Variants in NME8 observed in about 807,000 individuals in gnomAD.
NME8 encodes NME/NM23 family member 8.
A neutral mutation model predicts 82.3 loss-of-function variants in NME8; 72 were observed. The observed-to-expected ratio is 0.87, with a 90% confidence interval of 0.72 to 1.06. NME8 has a LOEUF of 1.06. Among genes scored for constraint, NME8 ranks in the 50% least tolerant of loss-of-function variants. NME8 has a pLI of 0.00. For synonymous variants in NME8, 267 were observed against 228.5 expected (o/e 1.17, Z -1.52); for missense variants, 712 against 685.4 (o/e 1.04, Z -0.43).
chr7:37,872,189 T>C (rs1433097237), intron 11 of NME8, among the ~76,000 whole-genome samples: 1 of 152,122 alleles, frequency 6.6e-6, no homozygotes, highest in Non-Finnish European at 1.5e-5. Context: ...TAGAACTGAG[T>C]AGAATTATTG....
chr7:37,882,724 G>T lies in NME8; in HGVS notation c.995-1579G>T, dbSNP rs78865034. 1.1e-4 allele frequency among the ~76,000 whole-genome samples: 17 copies of T among 152,200 alleles called. No individual in the cohort carries two copies. The East Asian group carries it at 3.1e-3, about 28-fold the overall frequency. ...GAAGTATGATTTTTTTATGCATCAG[G>T]TTATTCCATGAAACTTCTATGCAAT... On this transcript the variant is annotated intron_variant, in intron 12 of 17. Transcript: ENST00000199447.
chr7:37,868,054 G>A (rs1784716412), intron 11 of NME8, among the ~76,000 whole-genome samples, 156 bp downstream of exon 11: 2 of 152,246 alleles, frequency 1.3e-5, no homozygotes, highest in South Asian at 2.1e-4. Flanking sequence ...CAGAAGAGCT[G>A]TGTGCCAGGT....
At chr7:37,872,969 A>G (rs1583635040) in intron 11 of NME8, among the ~76,000 whole-genome samples, 1 of 152,330 alleles carries the variant, frequency 6.6e-6, no homozygotes. Flanking sequence ...TATACTTCAT[A>G]TGTTTGAAAC....
chr7:37,880,323 T>C (rs552657548), intron 12 of NME8, among the ~76,000 whole-genome samples: 18 of 152,344 alleles, frequency 1.2e-4, no homozygotes, highest in African/African-American at 4.3e-4. Context: ...AGAAAGTTTA[T>C]AGTTTTGTGT....
At chr7:37,887,466 A>T (rs1436358770) in intron 14 of NME8, among the ~76,000 whole-genome samples, 1 of 152,202 alleles carries the variant, frequency 6.6e-6, no homozygotes. Context: ...TACACACACC[A>T]TATATTTCAA....
At chr7:37,888,156 C>G (rs1392082558) in intron 14 of NME8, 121 bp from the exon 15 acceptor site, 9 of 982,678 alleles carry the variant, frequency 9.2e-6, no homozygotes, top group Non-Finnish European at 1.3e-5. Flanking sequence ...CTTCCTTTTG[C>G]ACAGTGTCAA....
chr7:37,876,241 G>T (rs919335925), intron 11 of NME8, among the ~76,000 whole-genome samples: 43 of 97,008 alleles, frequency 4.4e-4, no homozygotes, highest in East Asian at 1.5e-3. Context: ...TAGATAGATA[G>T]ATAGATAGAT....
intron 11 of NME8, among the ~76,000 whole-genome samples, chr7:37,872,249 C>A (rs1001143334): frequency 6.6e-6 from 1 of 152,162 alleles, no homozygotes; most frequent in Non-Finnish European, 1.5e-5. Context: ...ATTGCCCCTG[C>A]AGAAGAATAA....
intron 9 of NME8, 128 bp downstream of exon 9, chr7:37,864,549 T>G: frequency 3.1e-6 from 3 of 967,904 alleles, no homozygotes; most frequent in Non-Finnish European, 4.6e-6. Context: ...TAGGTACCTC[T>G]AGAGGCTTTG....
intron 14 of NME8, among the ~76,000 whole-genome samples, chr7:37,886,869 A>C (rs1785048751): frequency 6.6e-6 from 1 of 151,856 alleles, no homozygotes; most frequent in African/African-American, 2.4e-5. Flanking sequence ...AGGCAAAAAA[A>C]AAACAAAAAC....
chr7:37,861,189 T>C (rs1431457812), intron 6 of NME8, among the ~76,000 whole-genome samples: 2 of 152,364 alleles, frequency 1.3e-5, no homozygotes, highest in Non-Finnish European at 2.9e-5. Flanking sequence ...GGATGAAGAC[T>C]GAATCCCTGG....
chr7:37,886,820 G>A (rs1222144636), intron 14 of NME8, among the ~76,000 whole-genome samples: 2 of 151,898 alleles, frequency 1.3e-5, no homozygotes, highest in Admixed American at 6.6e-5. Flanking sequence ...TTAGAGGTGT[G>A]GGAACAGCCA....
chr7:37,882,707 A>AT (rs1179652218), intron 12 of NME8, among the ~76,000 whole-genome samples: 3 of 152,092 alleles, frequency 2.0e-5, no homozygotes, highest in South Asian at 2.1e-4. Flanking sequence ...TTGAAGTATG[A>AT]TTTTTTTATG....
At chr7:37,853,292 G>T (rs970536332) in intron 5 of NME8, among the ~76,000 whole-genome samples, 1 of 151,948 alleles carries the variant, frequency 6.6e-6, no homozygotes, top group Non-Finnish European at 1.5e-5. Context: ...TCATTCTCTT[G>T]TCATTGTAGT....
At chr7:37,882,655 A>AAG (rs199926053) in intron 12 of NME8, among the ~76,000 whole-genome samples, 1 of 148,080 alleles carries the variant, frequency 6.8e-6, no homozygotes, top group Admixed American at 6.7e-5. Context: ...GAAAGAAAGA[A>AAG]AGAGAAAGAA....
intron 12 of NME8, among the ~76,000 whole-genome samples, chr7:37,882,559 G>T (rs1784965378): frequency 4.6e-5 from 1 of 21,602 alleles, no homozygotes; most frequent in South Asian, 2.2e-3. Context: ...AAGAAAGAAA[G>T]AAAGAAAGAA....
chr7:37,859,541 G>C (rs1784567845), intron 6 of NME8, among the ~76,000 whole-genome samples: 1 of 152,114 alleles, frequency 6.6e-6, no homozygotes, highest in Non-Finnish European at 1.5e-5. Context: ...AAGTATAGTT[G>C]GTGTTTGCTT....
intron 6 of NME8, among the ~76,000 whole-genome samples, chr7:37,859,370 C>T (rs1784565296): frequency 6.6e-6 from 1 of 152,164 alleles, no homozygotes; most frequent in African/African-American, 2.4e-5. Context: ...ATCTCCCAAA[C>T]CTTTCCACTC....
intron 15 of NME8, among the ~76,000 whole-genome samples, chr7:37,889,527 C>T (rs887729022): frequency 5.3e-5 from 8 of 151,786 alleles, no homozygotes; most frequent in African/African-American, 1.9e-4. Context: ...TTATAGCCCA[C>T]AGGTTCTAAT....
Sources: gnomAD v4.1 joint callset for allele counts (sites outside exome capture counted in the v4.1 genomes callset) on GRCh38, gnomAD v4.1.1 for gene constraint, MANE v1.5 for transcripts, NCBI Gene and HGNC (gene_info 2026-07-23, HGNC 2026-07-21) for gene names.